Variants in XKR5 observed in about 807,000 individuals in gnomAD.
The protein encoded by XKR5 is XK related 5, also known as XK-related protein 5.
A neutral mutation model predicts 40.8 loss-of-function variants in XKR5; 46 were observed. That is an observed-to-expected ratio of 1.13 (90% CI 0.89 to 1.44). The LOEUF is 1.44. Ranked by LOEUF, XKR5 falls within the 40% of genes most tolerant of loss-of-function variation. XKR5 has a pLI of 0.00. For synonymous variants in XKR5, 466 were observed against 356.1 expected (o/e 1.31, Z -3.48); for missense variants, 1,169 against 844.7 (o/e 1.38, Z -4.76).
intron 5 of XKR5, among the ~76,000 whole-genome samples, chr8:6,820,213 G>C (rs1268851614): frequency 6.6e-6 from 1 of 152,242 alleles, no homozygotes; most frequent in Non-Finnish European, 1.5e-5. Context: ...CCCGGGCTAG[G>C]ACTGCCCGGC....
chr8:6,810,842 A>G lies in XKR5; in HGVS notation c.*356T>C, dbSNP rs1803645090. On this transcript the variant is annotated 3_prime_UTR_variant, in exon 7 of 7. Coordinates refer to ENST00000618742, the MANE Select transcript of XKR5 (RefSeq NM_207411.5). ...AAAGCTAATTGTAACAAGAACCTCA[A>G]ATAAAATAGGAATCTGGGTTTTACC... The G allele has an allele frequency of 1.1e-5, 2 of 181,420 alleles. No individual in the cohort carries two copies. Among genetic ancestry groups the G allele is most frequent in the East Asian group, 3.1e-4 (2 of 6,518 alleles). The allele number at this position is 181,420 out of a possible 1,614,324, so 11.2% of individuals were successfully genotyped here.
At chr8:6,827,494 A>G (rs1462157995) in intron 2 of XKR5, among the ~76,000 whole-genome samples, 2 of 152,142 alleles carry the variant, frequency 1.3e-5, no homozygotes, top group Admixed American at 6.5e-5. Context: ...GGCTTTATTC[A>G]TGGTGCTGAG....
intron 5 of XKR5, 65 bp from the exon 6 acceptor site, chr8:6,815,983 C>T (rs911270526): frequency 1.7e-5 from 22 of 1,278,616 alleles, no homozygotes; most frequent in African/African-American, 4.4e-5. Flanking sequence ...ACCCCCGTCC[C>T]GTGAGTCTGC....
In XKR5 at chr8:6,823,618, G is replaced by C; in HGVS notation, c.540C>G (p.Phe180Leu). The change falls in exon 4 of 7, where the codon TTC (phenylalanine) becomes TTG (leucine). Residue 180 changes from phenylalanine (F) to leucine (L), a missense_variant. By Grantham distance (22) the Phe-to-Leu change is conservative. Coordinates refer to ENST00000618742, the MANE Select transcript of XKR5 (RefSeq NM_207411.5). ...TGCCCATCCTCCAGAGCTGCTGGCA[G>C]AAGAGGGCGGCCCATGGCATGGCCA... ...GHLAMPWAAL[F>L]CQQLWRMGML... is the part of the protein sequence containing the mutation. The C allele has an allele frequency of 1.3e-6, 2 of 1,594,480 alleles. No individual in the cohort carries two copies. The highest frequency in any genetic ancestry group is 1.7e-6 in the Non-Finnish European group (2 of 1,170,646).
chr8:6,822,375 T>C (rs1312228009), intron 4 of XKR5, among the ~76,000 whole-genome samples: 2 of 152,234 alleles, frequency 1.3e-5, no homozygotes, highest in East Asian at 3.8e-4. Flanking sequence ...TGACTGCCAA[T>C]TATTTTAAAA....
chr8:6,813,824 G>A (rs1300245439), intron 6 of XKR5, among the ~76,000 whole-genome samples: 3 of 152,224 alleles, frequency 2.0e-5, no homozygotes, highest in African/African-American at 4.8e-5. Flanking sequence ...CACTGGAGTG[G>A]AACTGGAAGG....
At chr8:6,813,100 G>A (rs1040866369) in intron 6 of XKR5, among the ~76,000 whole-genome samples, 1 of 152,200 alleles carries the variant, frequency 6.6e-6, no homozygotes, top group Non-Finnish European at 1.5e-5. Context: ...AGAAGGCCAG[G>A]AGATTGCAGC....
rs1315175519 is a variant in XKR5 at position 6,835,517 on chromosome 8, G to A, written c.-24C>T. ...ATCTTCCGTGCCGACCCCGCAGCCT[G>A]CGCCCGCCCCTTCCCCTGCACGCGG... On this transcript the variant is annotated 5_prime_UTR_variant, in exon 1 of 7. Coordinates refer to ENST00000618742, the MANE Select transcript of XKR5 (RefSeq NM_207411.5). 4 of 1,488,336 alleles carry A rather than the reference G, an allele frequency of 2.7e-6. No homozygotes were observed. Among genetic ancestry groups the A allele is most frequent in the Admixed American group, 2.2e-5 (1 of 45,280 alleles). 92.2% of individuals were successfully genotyped at this position (1,488,336 alleles called of 1,614,324 possible).
chr8:6,832,107 T>C (rs1035119282), intron 2 of XKR5, among the ~76,000 whole-genome samples: 3 of 151,560 alleles, frequency 2.0e-5, no homozygotes, highest in African/African-American at 7.3e-5. Flanking sequence ...ATAAACTCAC[T>C]GACACATCTC....
At position 6,821,975 on chromosome 8, in the gene XKR5, G is replaced by A; in HGVS notation, c.701C>T (p.Thr234Ile). 1 of 1,609,626 alleles carries A rather than the reference G, an allele frequency of 6.2e-7. No individual in the cohort carries two copies. The highest frequency in any genetic ancestry group is 8.5e-7 in the Non-Finnish European group (1 of 1,177,942). The stretch of plus-strand genomic sequence containing the variant: ...CAGGTTGAACAGCCTCCAGTGGCAG[G>A]TGCTGTCGATGATGTCACTCTGCTG... ...VAQQSDIIDS[T>I]CHWRLFNLLV... The change falls in exon 5 of 7, where the codon ACC becomes ATC. Residue 234 changes from threonine (T) to isoleucine (I), a missense_variant. Physicochemically the swap from Thr to Ile is moderately conservative, Grantham distance 89. Transcript: ENST00000618742.
At chr8:6,821,845 A>C (rs780307783) in intron 5 of XKR5, 24 bp downstream of exon 5, 7 of 1,607,698 alleles carry the variant, frequency 4.4e-6, no homozygotes, top group Non-Finnish European at 5.9e-6. Context: ...TGTAAAAGTT[A>C]GGATAAAGAA....
chr8:6,813,338 G>T (rs1405418345), intron 6 of XKR5, among the ~76,000 whole-genome samples: 2 of 152,180 alleles, frequency 1.3e-5, no homozygotes, highest in Non-Finnish European at 2.9e-5. Flanking sequence ...GGGACATATT[G>T]TCACCCTTCT....
intron 5 of XKR5, among the ~76,000 whole-genome samples, chr8:6,817,220 T>C (rs568540268): frequency 7.0e-4 from 106 of 152,246 alleles, no homozygotes; most frequent in African/African-American, 2.5e-3. Flanking sequence ...CACCCAGAGA[T>C]TGCATCTTGC....
chr8:6,825,108 A>C, intron 3 of XKR5, 57 bp downstream of exon 3: 3 of 1,596,436 alleles, frequency 1.9e-6, no homozygotes, highest in Non-Finnish European at 2.6e-6. Flanking sequence ...ACAGGCTCAC[A>C]TTCCTGTCCC....
intron 4 of XKR5, 90 bp from the exon 5 acceptor site, chr8:6,822,128 C>T: frequency 7.5e-7 from 1 of 1,327,918 alleles, no homozygotes; most frequent in Non-Finnish European, 1.0e-6. Flanking sequence ...GGAAGGCTCT[C>T]CGACCACATT....
rs949818099 is a variant in XKR5, at chr8:6,825,158, TACTC to T, written c.427+3_427+6del. ...ACAGTCTGTGCTCTGTGGTGACAGT[TACTC>T]ACCTGGCACAATATCTGTGAAGTCT... On this transcript the variant is annotated splice_donor_5th_base_variant and intron_variant, in intron 3 of 6. Coordinates refer to ENST00000618742, the MANE Select transcript of XKR5 (RefSeq NM_207411.5). 1.2e-5 allele frequency: 20 copies of T among 1,613,382 alleles called. No individual in the cohort carries two copies. Among genetic ancestry groups the T allele is most frequent in the Non-Finnish European group, 1.4e-5 (17 of 1,179,684 alleles).
At position 6,811,254 on chromosome 8, in the gene XKR5, G is replaced by T; in HGVS notation, c.2005C>A (p.Gln669Lys). 6.5e-7 allele frequency: 1 copy of T among 1,537,318 alleles called. No individual in the cohort carries two copies. The highest frequency in any genetic ancestry group is 8.7e-7 in the Non-Finnish European group (1 of 1,146,934). The change falls in exon 7 of 7, where the codon CAA becomes AAA. Residue 669 changes from glutamine (Q) to lysine (K), a missense_variant. By Grantham distance (53) the Gln-to-Lys change is moderately conservative (BLOSUM62 1). Coordinates refer to ENST00000618742, the MANE Select transcript of XKR5 (RefSeq NM_207411.5). The stretch of plus-strand genomic sequence containing the variant: ...TGTTCCCTGCAGCTGCAGTCCGTTT[G>T]GATAGACTCAGACTTAGGGGTGGAC... ...LTSTPKSESIQTDCSCREQMK... is the reference protein window; with the variant it reads ...LTSTPKSESIKTDCSCREQMK...
chr8:6,828,579 G>A (rs1323750493), intron 2 of XKR5, among the ~76,000 whole-genome samples: 1 of 152,208 alleles, frequency 6.6e-6, no homozygotes, highest in Non-Finnish European at 1.5e-5. Flanking sequence ...GAGGCGGGAT[G>A]GAGAGCGTGG....
chr8:6,819,698 T>G (rs1334329366), intron 5 of XKR5, among the ~76,000 whole-genome samples: 3 of 152,196 alleles, frequency 2.0e-5, no homozygotes, highest in African/African-American at 7.2e-5. Flanking sequence ...CAGCCCCACC[T>G]CAGAATGTGA....
Sources: allele counts gnomAD v4.1 joint callset (sites outside exome capture counted in the v4.1 genomes callset), GRCh38; gene constraint gnomAD v4.1.1; transcripts MANE v1.5; gene names NCBI Gene and HGNC (gene_info 2026-07-23, HGNC 2026-07-21).